Variants in ATRNL1 observed in about 807,000 individuals in gnomAD.
The protein encoded by ATRNL1 is attractin like 1.
In ATRNL1, 95 loss-of-function variants were observed where a neutral mutation model predicts 182.7. The observed-to-expected ratio is 0.52, with a 90% CI of 0.44 to 0.62. The LOEUF (loss-of-function observed/expected upper bound fraction) is 0.62, where lower values mean the gene tolerates loss of function less well. Among genes scored for constraint, ATRNL1 ranks in the 20% least tolerant of loss-of-function variants. ATRNL1 has a pLI of 0.00. For synonymous variants in ATRNL1, 576 were observed against 568.3 expected (o/e 1.01, Z -0.19); for missense variants, 1,471 against 1,679.5 (o/e 0.88, Z 2.17).
chr10:115,215,808 A>G lies in ATRNL1; in HGVS notation c.1460A>G (p.Tyr487Cys). The G allele has an allele frequency of 1.2e-6, 2 of 1,606,580 alleles. No homozygotes were observed. Among genetic ancestry groups the G allele is most frequent in the Non-Finnish European group, 1.7e-6 (2 of 1,177,330 alleles). ...AAGTCCATTTATGTTCATGGAGGGT[A>G]TAAAGCATTGCCAGGGAACAAATAT... Reference protein sequence around the residue: ...ITKSIYVHGGYKALPGNKYGL... With the variant: ...ITKSIYVHGGCKALPGNKYGL... The change falls in exon 9 of 29, where the codon TAT becomes TGT. Residue 487 changes from tyrosine (Y) to cysteine (C), a missense_variant. Transcript: ENST00000355044.
intron 27 of ATRNL1, among the ~76,000 whole-genome samples, chr10:115,747,465 C>T (rs1194049788): frequency 1.3e-5 from 2 of 152,092 alleles, no homozygotes; most frequent in African/African-American, 2.4e-5. Flanking sequence ...ATTCAGATTA[C>T]TTGAAAGATC....
chr10:115,600,162 A>G (rs1284056417), intron 26 of ATRNL1, among the ~76,000 whole-genome samples: 1 of 152,096 alleles, frequency 6.6e-6, no homozygotes, highest in Non-Finnish European at 1.5e-5. Context: ...TTTATGTATT[A>G]TACCACTTCG....
intron 9 of ATRNL1, among the ~76,000 whole-genome samples, chr10:115,234,445 A>C (rs529359124): frequency 1.6e-3 from 247 of 152,210 alleles, no homozygotes; most frequent in African/African-American, 5.5e-3. Flanking sequence ...TTTACTAAAA[A>C]ACAAAGATAC....
chr10:115,645,379 C>T (rs534133620), intron 26 of ATRNL1, among the ~76,000 whole-genome samples: 1 of 148,712 alleles, frequency 6.7e-6, no homozygotes, highest in East Asian at 1.9e-4. Context: ...CTTCCTTGTT[C>T]CTCCTCTACA....
At chr10:115,817,773 T>A (rs1225995702) in intron 27 of ATRNL1, among the ~76,000 whole-genome samples, 1 of 151,868 alleles carries the variant, frequency 6.6e-6, no homozygotes, top group East Asian at 1.9e-4. Flanking sequence ...AGTAGTTTTT[T>A]TTTTTTGGTT....
intron 24 of ATRNL1, among the ~76,000 whole-genome samples, chr10:115,477,000 T>C (rs1393925122): frequency 6.6e-6 from 1 of 151,556 alleles, no homozygotes; most frequent in Non-Finnish European, 1.5e-5. Flanking sequence ...GGAATAGTTT[T>C]TAAATTGAGA....
chr10:115,328,926 C>T (rs1554934225), intron 18 of ATRNL1, among the ~76,000 whole-genome samples: 1 of 152,070 alleles, frequency 6.6e-6, no homozygotes, highest in African/African-American at 2.4e-5. Flanking sequence ...TATATTAATA[C>T]ATTGAAGTGC....
chr10:115,244,702 G>T (rs922809379), intron 10 of ATRNL1, among the ~76,000 whole-genome samples: 13 of 152,222 alleles, frequency 8.5e-5, no homozygotes, highest in Admixed American at 6.5e-4. Flanking sequence ...GTTATTGTTA[G>T]TGCTGTTATT....
intron 26 of ATRNL1, among the ~76,000 whole-genome samples, chr10:115,601,321 C>T (rs1452329910): frequency 2.6e-5 from 4 of 152,122 alleles, no homozygotes; most frequent in Admixed American, 2.6e-4. Context: ...TACATTCATG[C>T]ATGTCCTATA....
chr10:115,587,284 A>T (rs1000974321), intron 26 of ATRNL1, among the ~76,000 whole-genome samples: 1 of 152,140 alleles, frequency 6.6e-6, no homozygotes, highest in Non-Finnish European at 1.5e-5. Flanking sequence ...GGCTCCACCC[A>T]GTTCAGTTGG....
Position 115,944,654 on chromosome 10 carries a change from C to A in ATRNL1, c.4019-4C>A, listed in dbSNP as rs1326688722. ...CATTTAAATGCTTTTCTCTTTCCTT[C>A]CAGGCCTTGCAATTGCCAGTGCCCT... is the stretch of plus-strand genomic sequence containing the variant. On this transcript the variant is annotated splice_region_variant and splice_polypyrimidine_tract_variant and intron_variant, in intron 28 of 28. Coordinates refer to ENST00000355044, the MANE Select transcript of ATRNL1 (RefSeq NM_207303.4). 2.5e-6 allele frequency: 4 copies of A among 1,604,458 alleles called. No homozygotes were observed. In the Admixed American group the frequency reaches 5.0e-5, roughly 20 times the overall value.
At chr10:115,307,299 G>A (rs1047081098) in intron 17 of ATRNL1, among the ~76,000 whole-genome samples, 6 of 152,102 alleles carry the variant, frequency 3.9e-5, no homozygotes, top group Non-Finnish European at 8.8e-5. Context: ...GTCTCGCTCT[G>A]TCACCCAGGC....
At chr10:115,374,679 A>G (rs1348507235) in intron 19 of ATRNL1, among the ~76,000 whole-genome samples, 1 of 151,702 alleles carries the variant, frequency 6.6e-6, no homozygotes, top group African/African-American at 2.4e-5. Flanking sequence ...GTAGGTTGTG[A>G]TTCCATGTTT....
At position 115,595,048 on chromosome 10, in the gene ATRNL1, C is replaced by T. The variant is rs150037596; in HGVS notation, c.3795+45512C>T. 2.7e-3 allele frequency among the ~76,000 whole-genome samples: 406 copies of T among 152,242 alleles called. 2 individuals carry two copies. Among genetic ancestry groups the T allele is most frequent in the African/African-American group, 9.3e-3 (387 of 41,546 alleles). On this transcript the variant is annotated intron_variant, in intron 26 of 28. Coordinates refer to ENST00000355044, the MANE Select transcript of ATRNL1 (RefSeq NM_207303.4). ...TCACAGAATGGACACTTCTGTGTAA[C>T]CATCATCCATAAACATTCATGTAAA...
At chr10:115,465,176 C>A (rs1377952056) in intron 22 of ATRNL1, among the ~76,000 whole-genome samples, 2 of 151,686 alleles carry the variant, frequency 1.3e-5, no homozygotes, top group African/African-American at 2.4e-5. Flanking sequence ...TGACTCTTCA[C>A]TAATTCTTTT....
At chr10:115,507,435 T>C (rs1850169527) in intron 24 of ATRNL1, among the ~76,000 whole-genome samples, 1 of 152,000 alleles carries the variant, frequency 6.6e-6, no homozygotes, top group Non-Finnish European at 1.5e-5. Context: ...TGATTGCAAA[T>C]ATTATAAAGT....
chr10:115,742,833 A>G (rs1948176569), intron 27 of ATRNL1, among the ~76,000 whole-genome samples: 2 of 152,206 alleles, frequency 1.3e-5, no homozygotes, highest in South Asian at 4.2e-4. Context: ...GAATTCCCCA[A>G]TGGCTTCTCT....
chr10:115,355,903 C>T (rs950004387), intron 19 of ATRNL1, among the ~76,000 whole-genome samples: 1 of 151,976 alleles, frequency 6.6e-6, no homozygotes, highest in Non-Finnish European at 1.5e-5. Context: ...AAGTTTTTAA[C>T]AGTGATAAAC....
chr10:115,310,263 A>AT (rs1554927421), intron 17 of ATRNL1, among the ~76,000 whole-genome samples: 1 of 151,576 alleles, frequency 6.6e-6, no homozygotes, highest in African/African-American at 2.4e-5. Flanking sequence ...TTTGTTGAGG[A>AT]TTTTTTCATT....
Sources: allele counts gnomAD v4.1 joint callset (sites outside exome capture counted in the v4.1 genomes callset), GRCh38; gene constraint gnomAD v4.1.1; transcripts MANE v1.5; gene names NCBI Gene and HGNC (gene_info 2026-07-23, HGNC 2026-07-21).